ME2: variants seen among roughly 807,000 people sequenced by gnomAD.
ME2 encodes the protein malic enzyme 2, also known as NAD-dependent malic enzyme, mitochondrial.
Under a neutral mutation model 73.7 loss-of-function variants are expected in ME2, and 60 were observed. The observed-to-expected ratio is 0.81, with a 90% CI of 0.66 to 1.01. The LOEUF (loss-of-function observed/expected upper bound fraction) is 1.01, where lower values mean the gene tolerates loss of function less well. Among genes scored for constraint, ME2 ranks in the 50% least tolerant of loss-of-function variants. The pLI, the probability that ME2 is intolerant of heterozygous loss-of-function variation, is 0.00. For missense variants in ME2, 594 were observed against 705.5 expected (o/e 0.84, Z 1.79); for synonymous variants, 199 against 236.9 (o/e 0.84, Z 1.47).
At chr18:50,900,426 C>G (rs779628954) in intron 2 of ME2, among the ~76,000 whole-genome samples, 1 of 151,732 alleles carries the variant, frequency 6.6e-6, no homozygotes, top group African/African-American at 2.4e-5. Context: ...TCCCTAGTAG[C>G]TGGGAGTACA....
At chr18:50,931,305 A>G (rs1165315499) in intron 12 of ME2, among the ~76,000 whole-genome samples, 1 of 152,214 alleles carries the variant, frequency 6.6e-6, no homozygotes. Flanking sequence ...CCTGTGTTAT[A>G]AACTGCCTAC....
chr18:50,894,915 T>C (rs914752423), intron 1 of ME2, among the ~76,000 whole-genome samples: 2 of 151,588 alleles, frequency 1.3e-5, no homozygotes, highest in Non-Finnish European at 2.9e-5. Context: ...GCCTCTGAAT[T>C]GTTCAGTTTA....
In ME2 at chr18:50,928,025, G is replaced by A. The variant is rs572725063; in HGVS notation, c.1314+2127G>A. ...GTAGAGACAAGGTCTTGCTTTGTTGGCCAGGCTGGTCTCAAATTGCTGACC... is the reference window on the plus strand; with the variant it reads ...GTAGAGACAAGGTCTTGCTTTGTTGACCAGGCTGGTCTCAAATTGCTGACC... On this transcript the variant is annotated intron_variant, in intron 12 of 15. Coordinates refer to ENST00000321341, the MANE Select transcript of ME2 (RefSeq NM_002396.5). Among the ~76,000 whole-genome samples, 19 of 151,238 alleles carry A rather than the reference G, an allele frequency of 1.3e-4. No individual in the cohort carries two copies. The South Asian group carries it at 4.0e-3, about 32-fold the overall frequency.
At position 50,921,089 on chromosome 18, in the gene ME2, GC is replaced by G; in HGVS notation, c.959del (p.Ala320GlufsTer4). 6.4e-7 allele frequency: 1 copy of G among 1,570,900 alleles called. No individual in the cohort carries two copies. Among genetic ancestry groups the G allele is most frequent in the Non-Finnish European group, 8.6e-7 (1 of 1,160,140 alleles). On this transcript the variant is annotated frameshift_variant, in exon 10 of 16. Transcript: ENST00000321341. LOFTEE classifies it high-confidence loss of function. ...TGTTGAACAGGCTGCTCTTGGAATT[GC>G]AAATCTTATAGTTATGTCTATGGTA... ...LGAGEAALGIANLIVMSMVEN... is the reference protein window; with the variant it reads ...LGAGEAALGIXNLIVMSMVEN...
chr18:50,896,985 A>G (rs1426363753), intron 2 of ME2, among the ~76,000 whole-genome samples: 1 of 152,166 alleles, frequency 6.6e-6, no homozygotes, highest in Non-Finnish European at 1.5e-5. Flanking sequence ...GCTCTTTAAG[A>G]TGCACCTCAT....
chr18:50,880,503 T>C (rs773796582), intron 1 of ME2, among the ~76,000 whole-genome samples: 6 of 152,230 alleles, frequency 3.9e-5, no homozygotes, highest in Non-Finnish European at 7.3e-5. Flanking sequence ...AACATACATA[T>C]AGGCCGTTCG....
chr18:50,891,032 G>A (rs1390854244), intron 1 of ME2, among the ~76,000 whole-genome samples: 1 of 152,104 alleles, frequency 6.6e-6, no homozygotes, highest in East Asian at 1.9e-4. Flanking sequence ...GAATTTAAAG[G>A]CTCAAAACCA....
In ME2 at chr18:50,908,202, A is replaced by C; in HGVS notation, c.242+6A>C. The stretch of plus-strand genomic sequence containing the variant: ...ATGACTAGCCCTTTGGAAAAGTAAG[A>C]GTTGCTTAGATGTTTCTTTTTTTAT... On this transcript the variant is annotated splice_donor_region_variant and intron_variant, in intron 3 of 15. Transcript: ENST00000321341. 1 of 1,577,372 alleles carries C rather than the reference A, an allele frequency of 6.3e-7. No homozygotes were observed. Among genetic ancestry groups the C allele is most frequent in the Non-Finnish European group, 8.6e-7 (1 of 1,165,968 alleles).
intron 10 of ME2, among the ~76,000 whole-genome samples, 168 bp downstream of exon 10, chr18:50,921,355 A>G (rs994653393): frequency 1.2e-4 from 19 of 152,140 alleles, no homozygotes; most frequent in African/African-American, 3.9e-4. Context: ...TGTCTTTTAC[A>G]AAGACTTCTG....
chr18:50,934,250 A>G (rs1405723703), intron 13 of ME2: 2 of 152,230 alleles, frequency 1.3e-5, no homozygotes, highest in Non-Finnish European at 2.9e-5. Context: ...ACCATATTTT[A>G]TATCATATCT....
chr18:50,954,073 G>T lies in ME2; in HGVS notation c.*6889G>T, dbSNP rs553968142. 1 of 152,270 alleles carries T rather than the reference G, an allele frequency of 6.6e-6. No homozygotes were observed. The highest frequency in any genetic ancestry group is 2.4e-5 in the African/African-American group (1 of 41,550). The allele number at this position is 152,270 out of a possible 1,614,324, so 9.4% of individuals were successfully genotyped here. On this transcript the variant is annotated 3_prime_UTR_variant, in exon 16 of 16. Transcript: ENST00000321341. ...GGTAGTCTTGTAGTAATTGCTTATG[G>T]GAATGCTAGTTTAAGAGGAATGCCT...
At position 50,953,514 on chromosome 18, in the gene ME2, T is replaced by C. The variant is rs887239852; in HGVS notation, c.*6330T>C. ...GCATTTTAAGTATTCGACACGAACA[T>C]TAAAGATTTGGTGTTGAATTTAATA... On this transcript the variant is annotated 3_prime_UTR_variant, in exon 16 of 16. Transcript: ENST00000321341. 2.6e-5 allele frequency: 4 copies of C among 152,226 alleles called. No individual in the cohort carries two copies. Among genetic ancestry groups the C allele is most frequent in the African/African-American group, 9.6e-5 (4 of 41,460 alleles). 9.4% of individuals were successfully genotyped at this position (152,226 alleles called of 1,614,324 possible). A position where few individuals can be genotyped will look rare whatever the true frequency, so the allele number is the denominator to read the frequency against.
intron 15 of ME2, among the ~76,000 whole-genome samples, chr18:50,941,655 G>A (rs1048053872): frequency 1.4e-4 from 20 of 148,008 alleles, no homozygotes; most frequent in Admixed American, 3.4e-4. Context: ...GATTACAGGC[G>A]TGAGCCACCA....
intron 1 of ME2, among the ~76,000 whole-genome samples, chr18:50,889,664 T>C (rs1191495512): frequency 1.3e-5 from 2 of 152,222 alleles, no homozygotes; most frequent in Non-Finnish European, 2.9e-5. Flanking sequence ...CTGTGACATA[T>C]AACAATTTAA....
chr18:50,891,920 T>G (rs2144190230), intron 1 of ME2, among the ~76,000 whole-genome samples: 1 of 151,786 alleles, frequency 6.6e-6, no homozygotes, highest in South Asian at 2.1e-4. Flanking sequence ...TCATCCAGTC[T>G]TCCCAACTTA....
intron 1 of ME2, among the ~76,000 whole-genome samples, chr18:50,882,965 C>G (rs1480301650): frequency 1.3e-5 from 2 of 151,930 alleles, no homozygotes; most frequent in South Asian, 2.1e-4. Flanking sequence ...AAAAAACAAA[C>G]AAAAAAACTA....
intron 10 of ME2, among the ~76,000 whole-genome samples, chr18:50,921,660 T>G (rs1917433789): frequency 6.6e-6 from 1 of 152,192 alleles, no homozygotes; most frequent in Non-Finnish European, 1.5e-5. Flanking sequence ...CGCTGCAACT[T>G]CTGCCTCCTG....
At chr18:50,925,648 A>G (rs1463430691) in intron 11 of ME2, 108 bp from the exon 12 acceptor site, 2 of 858,634 alleles carry the variant, frequency 2.3e-6, no homozygotes, top group Non-Finnish European at 3.7e-6. Context: ...TTGTAATGAG[A>G]TATTACCTGT....
chr18:50,893,670 AGTTTT>A (rs977981607), intron 1 of ME2, among the ~76,000 whole-genome samples: 1 of 152,228 alleles, frequency 6.6e-6, no homozygotes, highest in African/African-American at 2.4e-5. Context: ...GTGATTTTGT[AGTTTT>A]GTTCTACTGA....
Sources: gnomAD v4.1 joint callset for allele counts (sites outside exome capture counted in the v4.1 genomes callset) on GRCh38, gnomAD v4.1.1 for gene constraint, MANE v1.5 for transcripts, NCBI Gene and HGNC (gene_info 2026-07-23, HGNC 2026-07-21) for gene names.